DPP10: variants seen among roughly 807,000 people sequenced by gnomAD.
The protein encoded by DPP10 is dipeptidyl peptidase like 10.
A neutral mutation model predicts 120.9 loss-of-function variants in DPP10; 33 were observed. The ratio of observed to expected loss-of-function variants is 0.27; its 90% CI spans 0.21 to 0.37. DPP10 has a LOEUF of 0.37. Among genes scored for constraint, DPP10 ranks in the 10% least tolerant of loss-of-function variants. The pLI is 1.00. For synonymous variants in DPP10, 337 were observed against 326.1 expected, an observed-to-expected ratio of 1.03 and a Z score of -0.36; for missense variants, 816 against 942.8, an observed-to-expected ratio of 0.87 and a Z score of 1.76.
chr2:115,603,898 T>C (rs2149226107), intron 5 of DPP10, among the ~76,000 whole-genome samples: 1 of 152,238 alleles, frequency 6.6e-6, no homozygotes. Flanking sequence ...GAGTTATCTA[T>C]GCAAAATTTA....
At chr2:115,688,019 T>TGAGAGA (rs980743627) in intron 5 of DPP10, among the ~76,000 whole-genome samples, 1 of 139,952 alleles carries the variant, frequency 7.1e-6, no homozygotes, top group Non-Finnish European at 1.6e-5. Flanking sequence ...CAGAGCTTTC[T>TGAGAGA]GAGAGAGAGA....
chr2:115,322,464 G>GTAT (rs1336782790), intron 2 of DPP10, among the ~76,000 whole-genome samples: 1 of 152,068 alleles, frequency 6.6e-6, no homozygotes, highest in Non-Finnish European at 1.5e-5. Flanking sequence ...ACCTTTTCAG[G>GTAT]TTAGCTCTGT....
intron 1 of DPP10, among the ~76,000 whole-genome samples, chr2:115,202,297 A>G (rs1205608737): frequency 6.6e-6 from 1 of 152,210 alleles, no homozygotes; most frequent in African/African-American, 2.4e-5. Context: ...GCAATTTTCT[A>G]TGACCTAGAA....
At chr2:114,457,866 G>A (rs1678668278) in intron 1 of DPP10, among the ~76,000 whole-genome samples, 1 of 152,130 alleles carries the variant, frequency 6.6e-6, no homozygotes, top group African/African-American at 2.4e-5. Flanking sequence ...CCATGCTGAG[G>A]ATGGTTAGTG....
intron 1 of DPP10, among the ~76,000 whole-genome samples, chr2:115,035,835 C>A (rs1312625345): frequency 6.6e-6 from 1 of 152,170 alleles, no homozygotes; most frequent in Admixed American, 6.5e-5. Flanking sequence ...ATACAATTAA[C>A]TATTACTATG....
At chr2:114,453,031 G>A (rs145202541) in intron 1 of DPP10, among the ~76,000 whole-genome samples, 97 of 152,142 alleles carry the variant, frequency 6.4e-4, no homozygotes, top group African/African-American at 2.0e-3. Flanking sequence ...TGATACACAG[G>A]GTTGAGTGGA....
chr2:114,505,255 A>G (rs1683546884), intron 1 of DPP10, among the ~76,000 whole-genome samples: 1 of 149,928 alleles, frequency 6.7e-6, no homozygotes, highest in Admixed American at 6.6e-5. Context: ...TAAAGAAATG[A>G]TAAGACAAAG....
intron 1 of DPP10, among the ~76,000 whole-genome samples, chr2:115,304,664 G>A (rs2061287682): frequency 6.6e-6 from 1 of 151,930 alleles, no homozygotes; most frequent in Admixed American, 6.6e-5. Context: ...TTTTCCAAAG[G>A]AAAGTACAAA....
intron 7 of DPP10, among the ~76,000 whole-genome samples, chr2:115,724,192 T>C (rs913487455): frequency 6.6e-6 from 1 of 152,226 alleles, no homozygotes; most frequent in Non-Finnish European, 1.5e-5. Flanking sequence ...AAGATCTTCA[T>C]AGACTTTAAT....
At chr2:115,523,047 C>T (rs1440654354) in intron 4 of DPP10, among the ~76,000 whole-genome samples, 4 of 152,072 alleles carry the variant, frequency 2.6e-5, no homozygotes, top group African/African-American at 4.8e-5. Context: ...TGCCGAGATA[C>T]GTTTCTTATT....
intron 1 of DPP10, among the ~76,000 whole-genome samples, chr2:114,531,601 C>CAT (rs35634790): frequency 2.3e-4 from 34 of 144,978 alleles, no homozygotes; most frequent in African/African-American, 4.0e-4. Flanking sequence ...AAAATGAATA[C>CAT]ATATATATAT....
At chr2:115,186,308 A>T (rs1443538453) in intron 1 of DPP10, among the ~76,000 whole-genome samples, 1 of 152,208 alleles carries the variant, frequency 6.6e-6, no homozygotes. Flanking sequence ...GGGACAATAA[A>T]CATTTATAGA....
chr2:115,675,429 A>G (rs2090179893), intron 5 of DPP10, among the ~76,000 whole-genome samples: 1 of 111,662 alleles, frequency 9.0e-6, no homozygotes, highest in South Asian at 3.2e-4. Flanking sequence ...ACAAAGAAGA[A>G]CCATAACAGC....
intron 1 of DPP10, among the ~76,000 whole-genome samples, chr2:114,928,623 A>G (rs1245020029): frequency 6.6e-6 from 1 of 151,896 alleles, no homozygotes; most frequent in Admixed American, 6.6e-5. Context: ...CAGTAGCTCT[A>G]CTATTCTGGG....
At chr2:115,714,296 C>T (rs1470190643) in intron 7 of DPP10, among the ~76,000 whole-genome samples, 4 of 152,190 alleles carry the variant, frequency 2.6e-5, no homozygotes, top group South Asian at 2.1e-4. Flanking sequence ...ATCCTGTTCA[C>T]TTACTGCTTT....
At chr2:115,003,951 A>G (rs1509736) in intron 1 of DPP10, among the ~76,000 whole-genome samples, 148,755 of 152,324 alleles carry the variant, frequency 0.98, 72,740 homozygotes, top group South Asian at 1. Context: ...TTATGTAAGC[A>G]TATGTAACTA....
At chr2:115,755,944 G>GTATA (rs145965764) in intron 11 of DPP10, among the ~76,000 whole-genome samples, 43 of 150,794 alleles carry the variant, frequency 2.9e-4, no homozygotes, top group Admixed American at 1.9e-3. Flanking sequence ...GTGTGTGTGT[G>GTATA]TATATATATA....
At chr2:114,637,377 G>C (rs759895211) in intron 1 of DPP10, among the ~76,000 whole-genome samples, 1 of 151,906 alleles carries the variant, frequency 6.6e-6, no homozygotes, top group African/African-American at 2.4e-5. Flanking sequence ...GGAATTGGTT[G>C]AGCATAATTC....
chr2:115,070,313 A>T (rs1182671576), intron 1 of DPP10, among the ~76,000 whole-genome samples: 2 of 152,110 alleles, frequency 1.3e-5, no homozygotes, highest in Non-Finnish European at 2.9e-5. Context: ...CATTTAGTAC[A>T]TTATTGTATT....
Sources: allele counts gnomAD v4.1 joint callset (sites outside exome capture counted in the v4.1 genomes callset), GRCh38; gene constraint gnomAD v4.1.1; transcripts MANE v1.5; gene names NCBI Gene and HGNC (gene_info 2026-07-23, HGNC 2026-07-21).